Variants in MED24 observed in about 807,000 individuals in gnomAD.
MED24 encodes mediator complex subunit 24.
A neutral mutation model predicts 118.8 loss-of-function variants in MED24; 74 were observed. That is an observed-to-expected ratio of 0.62 (90% CI 0.52 to 0.76). MED24 has a LOEUF of 0.76. Ranked by LOEUF, MED24 falls within the 30% of genes least tolerant of loss-of-function variation. The probability of loss-of-function intolerance (pLI) is 0.00; values close to 1 mark genes in which losing one functional copy is unlikely to be tolerated. For missense variants in MED24, 1,041 were observed against 1,278.9 expected (o/e 0.81, Z 2.84); for synonymous variants, 521 against 523.9 (o/e 0.99, Z 0.08).
chr17:40,028,743 G>A, intron 14 of MED24, 83 bp downstream of exon 14: 1 of 1,561,922 alleles, frequency 6.4e-7, no homozygotes, highest in Non-Finnish European at 8.7e-7. Flanking sequence ...CCCAGACCCA[G>A]GCACCTGACT....
intron 3 of MED24, among the ~76,000 whole-genome samples, chr17:40,050,742 G>A (rs1234137497): frequency 6.6e-6 from 1 of 152,198 alleles, no homozygotes; most frequent in African/African-American, 2.4e-5. Flanking sequence ...GGAGTGGGGT[G>A]AGGGTTGAAA....
At position 40,033,087 on chromosome 17, in the gene MED24, A is replaced by G; in HGVS notation, c.791T>C (p.Val264Ala). The change falls in exon 8 of 26, where the codon GTG (valine) becomes GCG (alanine). Residue 264 changes from valine (V) to alanine (A), a missense_variant. By Grantham distance (64) the Val-to-Ala change is moderately conservative. Coordinates refer to ENST00000394128, the MANE Select transcript of MED24 (RefSeq NM_014815.4). The surrounding 1 kb of genome is among the most constrained non-coding windows in gnomAD (Gnocchi z 5.2). ...MNLTGETQSL[V>A]EQLTMVKRMQ... Reference sequence around the variant, plus strand: ...GCGCTTCACCATCGTCAGCTGCTCCACCAGGGACTGCGTCTCGCCTGTCAG... The same window carrying G: ...GCGCTTCACCATCGTCAGCTGCTCCGCCAGGGACTGCGTCTCGCCTGTCAG... The G allele has an allele frequency of 6.2e-7, 1 of 1,614,058 alleles. No individual in the cohort carries two copies. The highest frequency in any genetic ancestry group is 8.5e-7 in the Non-Finnish European group (1 of 1,180,034).
At chr17:40,042,121 C>T (rs760969365) in intron 3 of MED24, among the ~76,000 whole-genome samples, 23 of 152,164 alleles carry the variant, frequency 1.5e-4, no homozygotes, top group Admixed American at 1.2e-3. Context: ...CCCTCCAACT[C>T]GTTCTTCAAA....
intron 3 of MED24, among the ~76,000 whole-genome samples, chr17:40,052,638 G>A (rs8082130): frequency 0.074 from 11,207 of 152,034 alleles, 1,331 homozygotes; most frequent in African/African-American, 0.25. Context: ...GTGTTGTTCT[G>A]TTGCCCAGGC....
chr17:40,025,367 C>T (rs1016320033), intron 19 of MED24, among the ~76,000 whole-genome samples: 5 of 152,246 alleles, frequency 3.3e-5, no homozygotes, highest in Admixed American at 6.5e-5. Context: ...ACTCGGGAGG[C>T]TGAGGCGAGA....
intron 3 of MED24, among the ~76,000 whole-genome samples, chr17:40,037,636 G>T (rs1984095248): frequency 6.6e-6 from 1 of 152,156 alleles, no homozygotes; most frequent in African/African-American, 2.4e-5. Flanking sequence ...ATTTGGCCAG[G>T]TGTGGTGGCT....
At chr17:40,030,675 T>TTC (rs1983263950) in intron 12 of MED24, among the ~76,000 whole-genome samples, 4 of 151,732 alleles carry the variant, frequency 2.6e-5, no homozygotes, top group Non-Finnish European at 4.4e-5. Flanking sequence ...TATTTTTTTT[T>TTC]TGAGACAAGG....
chr17:40,040,549 A>C (rs1454109864), intron 3 of MED24, among the ~76,000 whole-genome samples: 1 of 151,340 alleles, frequency 6.6e-6, no homozygotes, highest in African/African-American at 2.4e-5. Context: ...TATAGACCCC[A>C]CACTTCCATT....
chr17:40,052,007 G>A (rs1356721882), intron 3 of MED24, among the ~76,000 whole-genome samples: 5 of 151,388 alleles, frequency 3.3e-5, no homozygotes, highest in African/African-American at 7.3e-5. Context: ...TTTACGGTAG[G>A]TAGATGGCCA....
intron 19 of MED24, 133 bp downstream of exon 19, chr17:40,026,023 T>C (rs1013063198): frequency 3.4e-6 from 3 of 894,440 alleles, no homozygotes; most frequent in African/African-American, 3.3e-5. Context: ...AGTGAATGCA[T>C]GAATAGGAAA....
chr17:40,023,385 T>C lies in MED24; in HGVS notation c.1996A>G (p.Met666Val), dbSNP rs1282251129. Residue 666 changes from methionine to valine, a missense_variant, in exon 20 of 26, where the codon ATG becomes GTG. Transcript: ENST00000394128. ...LQFYNERVVI[M>V]NSILERMCAD... is the part of the protein sequence containing the mutation. Reference sequence around the variant, plus strand: ...CACATGCGCTCCAGGATCGAGTTCATGATCACCACCCTGGGGGAGGGCCGA... The same window carrying C: ...CACATGCGCTCCAGGATCGAGTTCACGATCACCACCCTGGGGGAGGGCCGA... The C allele has an allele frequency of 1.9e-6, 3 of 1,593,250 alleles. No individual in the cohort carries two copies. The highest frequency in any genetic ancestry group is 2.6e-6 in the Non-Finnish European group (3 of 1,167,738).
chr17:40,033,746 G>A lies in MED24; in HGVS notation c.560-290C>T, dbSNP rs558577476. The A allele has an allele frequency of 1.3e-5, 7 of 555,946 alleles. No individual in the cohort carries two copies. Among genetic ancestry groups the A allele is most frequent in the Non-Finnish European group, 2.4e-5 (7 of 292,084 alleles). 34.4% of individuals were successfully genotyped at this position (555,946 alleles called of 1,614,324 possible). ...GCATCACACAGGCTCAGGAGAGAGA[G>A]GCAGAGGGAGGCCAGAATCCAGTGG... On this transcript the variant is annotated intron_variant, in intron 6 of 25. Transcript: ENST00000394128. The surrounding 1 kb of genome is among the most constrained non-coding windows in gnomAD (Gnocchi z 5.2).
rs1029148262 is a variant in MED24, at chr17:40,031,391, C to T, written c.1068-146G>A. On this transcript the variant is annotated intron_variant, in intron 11 of 25. Coordinates refer to ENST00000394128, the MANE Select transcript of MED24 (RefSeq NM_014815.4). The stretch of plus-strand genomic sequence containing the variant: ...AGGGACGGTAGAGGGGCTCTGGGGA[C>T]TTGGCAACTGTGGGCTCCTATTTCC... 3 of 1,208,076 alleles carry T rather than the reference C, an allele frequency of 2.5e-6. No individual in the cohort carries two copies. In the African/African-American group the frequency reaches 4.5e-5, roughly 18 times the overall value. The allele number at this position is 1,208,076 out of a possible 1,614,324, so 74.8% of individuals were successfully genotyped here.
At chr17:40,023,609 T>G in intron 19 of MED24, 1 of 525,160 alleles carries the variant, frequency 1.9e-6, no homozygotes, top group Non-Finnish European at 3.3e-6. Flanking sequence ...ACACAAAGCC[T>G]ATAAATAGGG....
Position 40,022,289 on chromosome 17 carries a change from A to G in MED24, c.2523+105T>C, listed in dbSNP as rs1051589251. On this transcript the variant is annotated intron_variant, in intron 22 of 25. Transcript: ENST00000394128. ...AATCATGCCCAGGCACAGCTGCCCC[A>G]AGGGCAGGGGCCACAACTGCTTCCC... 3 of 1,231,558 alleles carry G rather than the reference A, an allele frequency of 2.4e-6. No individual in the cohort carries two copies. In the African/African-American group the frequency reaches 4.5e-5, roughly 19 times the overall value. The allele number at this position is 1,231,558 out of a possible 1,614,324, so 76.3% of individuals were successfully genotyped here.
chr17:40,038,411 G>T (rs1984189785), intron 3 of MED24, among the ~76,000 whole-genome samples: 1 of 152,000 alleles, frequency 6.6e-6, no homozygotes. Context: ...AGCCTCCAAA[G>T]ATTTAAGAAG....
chr17:40,036,898 G>C (rs952066553), intron 3 of MED24, among the ~76,000 whole-genome samples: 1 of 152,020 alleles, frequency 6.6e-6, no homozygotes, highest in Admixed American at 6.6e-5. Context: ...TTGAAACAGG[G>C]AGTGGCTGGG....
intron 3 of MED24, among the ~76,000 whole-genome samples, chr17:40,039,877 G>A (rs1343596093): frequency 1.3e-5 from 2 of 148,504 alleles, no homozygotes; most frequent in South Asian, 2.1e-4. Flanking sequence ...TCTGCCTCCC[G>A]AGTTCACACC....
chr17:40,036,545 G>C (rs1983955824), intron 3 of MED24, among the ~76,000 whole-genome samples: 1 of 151,988 alleles, frequency 6.6e-6, no homozygotes, highest in Non-Finnish European at 1.5e-5. Flanking sequence ...AAAATTAGCT[G>C]GGTGTGGTGG....
Sources: gnomAD v4.1 joint callset for allele counts (sites outside exome capture counted in the v4.1 genomes callset) on GRCh38, gnomAD v4.1.1 for gene constraint, Gnocchi (gnomAD v3.1) non-coding constraint, MANE v1.5 for transcripts, NCBI Gene and HGNC (gene_info 2026-07-23, HGNC 2026-07-21) for gene names.